Variants in POLB observed in about 807,000 individuals in gnomAD.
POLB encodes 5'-dRP lyase.
Under a neutral mutation model 52.7 loss-of-function variants are expected in POLB, and 37 were observed. The ratio of observed to expected loss-of-function variants is 0.70; its 90% CI spans 0.54 to 0.92. The LOEUF (loss-of-function observed/expected upper bound fraction) is 0.92. Ranked by LOEUF, POLB falls within the 40% of genes least tolerant of loss-of-function variation. POLB has a pLI of 0.00. For missense variants in POLB, 313 were observed against 400.8 expected (o/e 0.78, Z 1.87); for synonymous variants, 138 against 131.3 (o/e 1.05, Z -0.35).
intron 11 of POLB, among the ~76,000 whole-genome samples, chr8:42,368,114 G>A (rs1824155538): frequency 6.6e-6 from 1 of 152,170 alleles, no homozygotes; most frequent in African/African-American, 2.4e-5. Context: ...AATAAAATTA[G>A]CCTTGAGGAA....
chr8:42,353,117 A>AAGC, intron 6 of POLB, among the ~76,000 whole-genome samples: 1 of 151,852 alleles, frequency 6.6e-6, no homozygotes, highest in East Asian at 1.9e-4. Flanking sequence ...CTTGACTTAA[A>AAGC]AGCAATGAAA....
intron 11 of POLB, among the ~76,000 whole-genome samples, chr8:42,365,454 T>C (rs377387691): frequency 6.6e-6 from 1 of 152,202 alleles, no homozygotes; most frequent in African/African-American, 2.4e-5. Context: ...TCACTCAAAA[T>C]GAATGTGCAT....
chr8:42,342,433 C>A (rs1038962894), intron 2 of POLB: 3 of 1,391,724 alleles, frequency 2.2e-6, no homozygotes, highest in East Asian at 4.6e-5. Context: ...CCCCTCTATA[C>A]GGGCATAAGC....
At position 42,342,690 on chromosome 8, in the gene POLB, C is replaced by T. The variant is rs1262388635; in HGVS notation, c.120-2263C>T. The T allele has an allele frequency of 2.9e-5, 14 of 475,788 alleles. No homozygotes were observed. In the East Asian group the frequency reaches 3.7e-4, roughly 13 times the overall value. 29.5% of individuals were successfully genotyped at this position (475,788 alleles called of 1,614,324 possible). The stretch of plus-strand genomic sequence containing the variant: ...GCACTAGGGGGTGGAAAGGCGGGAG[C>T]AATTTTTAAAAACTGATGTAGGGGC... On this transcript the variant is annotated intron_variant, in intron 2 of 13. Transcript: ENST00000265421.
At chr8:42,342,137 A>G in intron 2 of POLB, 1 of 1,441,618 alleles carries the variant, frequency 6.9e-7, no homozygotes, top group Non-Finnish European at 9.7e-7. Context: ...AGGGATAGAC[A>G]AGCCTCCATC....
chr8:42,366,673 A>G (rs922384621), intron 11 of POLB, among the ~76,000 whole-genome samples: 9 of 152,226 alleles, frequency 5.9e-5, no homozygotes, highest in Admixed American at 4.6e-4. Flanking sequence ...TTCATTATAG[A>G]AGAATAAATT....
chr8:42,355,636 C>A, intron 7 of POLB, 69 bp downstream of exon 7: 1 of 904,570 alleles, frequency 1.1e-6, no homozygotes, highest in Non-Finnish European at 1.8e-6. Context: ...TTCTTTTATA[C>A]ACCAGAAGGA....
Position 42,352,545 on chromosome 8 carries a change from A to C in POLB, c.347A>C (p.Asp116Ala). The C allele has an allele frequency of 6.2e-7, 1 of 1,601,178 alleles. No homozygotes were observed. The highest frequency in any genetic ancestry group is 8.6e-7 in the Non-Finnish European group (1 of 1,168,266). ...IGPSAARKFV[D>A]EGIKTLEDLR... ...CCATCTGCTGCAAGGAAGTTTGTAG[A>C]TGAAGGAATTAAAACACTAGAAGGT... Residue 116 changes from aspartate to alanine, a missense_variant, in exon 6 of 14, where the codon GAT (aspartate) becomes GCT (alanine). This residue lies in a region of POLB where 246 missense variants were observed against 297.6 expected (regional missense o/e 0.83). Transcript: ENST00000265421.
intron 4 of POLB, among the ~76,000 whole-genome samples, chr8:42,349,789 C>G (rs907593646): frequency 3.3e-5 from 5 of 152,258 alleles, no homozygotes; most frequent in African/African-American, 1.2e-4. Flanking sequence ...AAGAATAGAC[C>G]TTTTAAAAGT....
chr8:42,361,405 C>A, intron 10 of POLB, 40 bp downstream of exon 10: 1 of 1,303,304 alleles, frequency 7.7e-7, no homozygotes, highest in Non-Finnish European at 1.1e-6. Flanking sequence ...CAGTCTTACA[C>A]AACAGTGAAT....
At chr8:42,340,664 T>C (rs1241320689) in intron 2 of POLB, among the ~76,000 whole-genome samples, 3 of 152,244 alleles carry the variant, frequency 2.0e-5, no homozygotes, top group Non-Finnish European at 1.5e-5. Flanking sequence ...ATGCCACTTA[T>C]GTCAGTGACT....
intron 11 of POLB, among the ~76,000 whole-genome samples, chr8:42,368,085 C>A (rs1202680155): frequency 6.6e-6 from 1 of 152,178 alleles, no homozygotes; most frequent in Non-Finnish European, 1.5e-5. Flanking sequence ...AATATTAGCA[C>A]TTCAGAAAAA....
intron 11 of POLB, 120 bp downstream of exon 11, chr8:42,362,818 G>C: frequency 1.7e-6 from 1 of 599,564 alleles, no homozygotes; most frequent in Middle Eastern, 2.6e-4. Context: ...GTATCCATGA[G>C]ACTTTAAAGA....
Position 42,371,656 on chromosome 8 carries a change from G to A in POLB, c.1007G>A (p.Ter336=), listed in dbSNP as rs1299603014. 6.9e-6 allele frequency: 11 copies of A among 1,588,968 alleles called. No homozygotes were observed. The highest frequency in any genetic ancestry group is 9.5e-6 in the Non-Finnish European group (11 of 1,157,278). ...KYREPKDRSE[*] is the part of the protein sequence containing the mutation. The stretch of plus-strand genomic sequence containing the variant: ...CGGGAACCCAAGGACCGGAGCGAAT[G>A]AGGCCTGTATCCTCCCTGGCAGACA... The change falls in exon 14 of 14, where the codon TGA becomes TAA. Residue 336 remains the stop codon, a stop_retained_variant. Transcript: ENST00000265421.
At chr8:42,348,943 TTTTAC>T in intron 3 of POLB, 68 bp from the exon 4 acceptor site, 1 of 828,140 alleles carries the variant, frequency 1.2e-6, no homozygotes, top group South Asian at 1.7e-5. Context: ...ATTTTCTGCT[TTTTAC>T]TTTATCTTTT....
intron 2 of POLB, among the ~76,000 whole-genome samples, chr8:42,340,833 A>C (rs1822156283): frequency 6.6e-6 from 1 of 152,170 alleles, no homozygotes; most frequent in Non-Finnish European, 1.5e-5. Context: ...AAGTAAAATA[A>C]TTGTATTATC....
At chr8:42,355,374 A>G (rs955874828) in intron 6 of POLB, 142 bp from the exon 7 acceptor site, 12 of 614,560 alleles carry the variant, frequency 2.0e-5, no homozygotes, top group Middle Eastern at 2.7e-4. Flanking sequence ...TCATATCTGA[A>G]ATTTTTGTCT....
intron 3 of POLB, among the ~76,000 whole-genome samples, chr8:42,347,945 C>G (rs1822736870): frequency 6.6e-6 from 1 of 152,046 alleles, no homozygotes; most frequent in African/African-American, 2.4e-5. Flanking sequence ...AAGGACAGGA[C>G]ATTTTTCAAT....
chr8:42,364,681 C>T (rs1823930931), intron 11 of POLB, among the ~76,000 whole-genome samples: 2 of 152,256 alleles, frequency 1.3e-5, no homozygotes, highest in South Asian at 2.1e-4. Context: ...GTAAGAGTCT[C>T]AGTGCATAGA....
Sources: gnomAD v4.1 joint callset for allele counts (sites outside exome capture counted in the v4.1 genomes callset) on GRCh38, gnomAD v4.1.1 for gene constraint, gnomAD v4.1.1 regional missense constraint, MANE v1.5 for transcripts, NCBI Gene and HGNC (gene_info 2026-07-23, HGNC 2026-07-21) for gene names.